The following BIRC6 variants were observed in gnomAD, a reference collection of about 807,000 sequenced individuals.
BIRC6 encodes the protein baculoviral IAP repeat containing 6, also known as dual E2 ubiquitin-conjugating enzyme/E3 ubiquitin-protein ligase BIRC6.
BIRC6 carries 98 observed loss-of-function variants against 503.3 expected under a neutral mutation model. The ratio of observed to expected loss-of-function variants is 0.19; its 90% CI spans 0.17 to 0.23. The LOEUF is 0.23. Among genes scored for constraint, BIRC6 ranks in the 10% least tolerant of loss-of-function variants. The pLI, the probability that BIRC6 is intolerant of heterozygous loss-of-function variation, is 1.00. For missense variants in BIRC6, 5,360 were observed against 5,806.0 expected, an observed-to-expected ratio of 0.92 and a Z score of 2.50; for synonymous variants, 2,240 against 2,078.7, an observed-to-expected ratio of 1.08 and a Z score of -2.11.
chr2:32,508,748 G>A (rs1279122693), intron 51 of BIRC6, among the ~76,000 whole-genome samples: 1 of 152,064 alleles, frequency 6.6e-6, no homozygotes, highest in Non-Finnish European at 1.5e-5. Flanking sequence ...TTTGACAGCT[G>A]GATGTTTTAT....
chr2:32,462,801 CA>C (rs1211312533), intron 23 of BIRC6, among the ~76,000 whole-genome samples: 2 of 151,984 alleles, frequency 1.3e-5, no homozygotes, highest in Admixed American at 6.6e-5. Flanking sequence ...ACTAAACATA[CA>C]AAAATTAGCC....
intron 47 of BIRC6, among the ~76,000 whole-genome samples, chr2:32,502,360 G>C (rs1334357118): frequency 6.6e-6 from 1 of 151,994 alleles, no homozygotes; most frequent in Non-Finnish European, 1.5e-5. Flanking sequence ...GAAATTGTAG[G>C]AACCAGATTA....
intron 35 of BIRC6, among the ~76,000 whole-genome samples, chr2:32,478,316 G>C (rs900902436): frequency 2.0e-5 from 3 of 151,740 alleles, no homozygotes; most frequent in African/African-American, 4.8e-5. Flanking sequence ...CCAGCCTGGC[G>C]ACAGACCGAG....
At chr2:32,391,153 A>G (rs2149552974) in intron 4 of BIRC6, among the ~76,000 whole-genome samples, 1 of 152,378 alleles carries the variant, frequency 6.6e-6, no homozygotes, top group South Asian at 2.1e-4. Context: ...GTTTCTAAAG[A>G]AATCAGTGCA....
intron 65 of BIRC6, among the ~76,000 whole-genome samples, chr2:32,555,364 G>T (rs1559043689): frequency 6.6e-6 from 1 of 152,128 alleles, no homozygotes; most frequent in Admixed American, 6.6e-5. Context: ...AAATAGGCCG[G>T]GTGAAGTGGC....
At chr2:32,536,167 T>A (rs1383488113) in intron 61 of BIRC6, among the ~76,000 whole-genome samples, 1 of 152,236 alleles carries the variant, frequency 6.6e-6, no homozygotes, top group African/African-American at 2.4e-5. Flanking sequence ...GTTTTTTTCT[T>A]GTAAATTTGT....
At chr2:32,522,933 G>T (rs997093521) in intron 57 of BIRC6, 1 of 152,180 alleles carries the variant, frequency 6.6e-6, no homozygotes, top group African/African-American at 2.4e-5. Flanking sequence ...TACATCCTCA[G>T]TCTAGGGTGA....
intron 6 of BIRC6, among the ~76,000 whole-genome samples, chr2:32,397,053 A>T (rs957451232): frequency 2.6e-4 from 40 of 151,942 alleles, no homozygotes; most frequent in South Asian, 6.2e-4. Context: ...TTAACAATAT[A>T]CTGTAATAAA....
At chr2:32,475,440 A>G (rs1007604297) in intron 33 of BIRC6, among the ~76,000 whole-genome samples, 1 of 152,054 alleles carries the variant, frequency 6.6e-6, no homozygotes, top group Non-Finnish European at 1.5e-5. Context: ...TGGGGGAGAT[A>G]GGATAGGAGG....
At chr2:32,500,219 T>A in intron 46 of BIRC6, 110 bp downstream of exon 46, 2 of 998,452 alleles carry the variant, frequency 2.0e-6, no homozygotes, top group Non-Finnish European at 2.9e-6. Flanking sequence ...AAAACTGCTT[T>A]AAGCTTTTCA....
In BIRC6 at chr2:32,357,070, G is replaced by T; in HGVS notation, c.-92G>T. The T allele has an allele frequency of 8.8e-7, 1 of 1,134,086 alleles. No individual in the cohort carries two copies. Among genetic ancestry groups the T allele is most frequent in the Non-Finnish European group, 1.2e-6 (1 of 844,896 alleles). 70.3% of individuals were successfully genotyped at this position (1,134,086 alleles called of 1,614,324 possible). ...CTCCCGTCAGCCTCCCTCCGAGTTT[G>T]GCCCCTCCGGCCGGGCGATCGACGT... On this transcript the variant is annotated 5_prime_UTR_variant, in exon 1 of 74. Coordinates refer to ENST00000421745, the MANE Select transcript of BIRC6 (RefSeq NM_016252.4). The surrounding 1 kb of genome is among the most constrained non-coding windows in gnomAD (Gnocchi z 4.9).
chr2:32,365,579 A>G lies in BIRC6; in HGVS notation c.325+8093A>G, dbSNP rs1039121637. Among the ~76,000 whole-genome samples the G allele has an allele frequency of 2.6e-5, 4 of 152,264 alleles. No homozygotes were observed. In the South Asian group the frequency reaches 6.2e-4, roughly 24 times the overall value. On this transcript the variant is annotated intron_variant, in intron 1 of 73. Transcript: ENST00000421745. Reference sequence around the variant, plus strand: ...TGTGATCCACTCGCCTCGGCCTCCCAAAGTGCTGGGATTACAAGTGTGAGC... The same window carrying G: ...TGTGATCCACTCGCCTCGGCCTCCCGAAGTGCTGGGATTACAAGTGTGAGC...
chr2:32,441,936 A>T (rs1008817737), intron 17 of BIRC6, 129 bp from the exon 18 acceptor site: 1 of 634,622 alleles, frequency 1.6e-6, no homozygotes, highest in African/African-American at 1.9e-5. Flanking sequence ...ACATATAGCT[A>T]TTGATTGTTT....
At chr2:32,598,620 A>T (rs2061830329) in intron 69 of BIRC6, among the ~76,000 whole-genome samples, 1 of 152,206 alleles carries the variant, frequency 6.6e-6, no homozygotes, top group African/African-American at 2.4e-5. Context: ...CCGAAAAAGA[A>T]AACTTTCTTT....
intron 30 of BIRC6, 55 bp from the exon 31 acceptor site, chr2:32,470,113 A>G: frequency 7.6e-7 from 1 of 1,307,438 alleles, no homozygotes; most frequent in South Asian, 1.9e-5. Flanking sequence ...TATTTTAAAA[A>G]TTGAACAATC....
intron 1 of BIRC6, among the ~76,000 whole-genome samples, chr2:32,372,008 T>G (rs1025306781): frequency 6.6e-6 from 1 of 151,818 alleles, no homozygotes; most frequent in African/African-American, 2.4e-5. Flanking sequence ...TTTCACCAGG[T>G]TGGCCAGGCT....
At chr2:32,511,861 T>C (rs1372649233) in intron 53 of BIRC6, among the ~76,000 whole-genome samples, 2 of 152,180 alleles carry the variant, frequency 1.3e-5, no homozygotes, top group Non-Finnish European at 2.9e-5. Context: ...TAGATTGCAA[T>C]TGTTTTTGAT....
chr2:32,504,034 TTGTG>T (rs556051105), intron 49 of BIRC6, among the ~76,000 whole-genome samples: 2,256 of 77,904 alleles, frequency 0.029, 52 homozygotes, highest in African/African-American at 0.068. Flanking sequence ...GGGGGGGTGT[TTGTG>T]TGTGTGTGTG....
intron 10 of BIRC6, among the ~76,000 whole-genome samples, chr2:32,417,343 C>A (rs1053893284): frequency 6.6e-6 from 1 of 152,022 alleles, no homozygotes; most frequent in Non-Finnish European, 1.5e-5. Context: ...GGGATTTCGC[C>A]ATGTTGCTCA....
Sources: allele counts gnomAD v4.1 joint callset (sites outside exome capture counted in the v4.1 genomes callset), GRCh38; gene constraint gnomAD v4.1.1; non-coding constraint Gnocchi (gnomAD v3.1); transcripts MANE v1.5; gene names NCBI Gene and HGNC (gene_info 2026-07-23, HGNC 2026-07-21).